MBNL3: variants seen among roughly 807,000 people sequenced by gnomAD.
The protein encoded by MBNL3 is muscleblind like splicing regulator 3, also known as muscleblind-like protein 3.
In MBNL3, 6 loss-of-function variants were observed where a neutral mutation model predicts 24.5. The ratio of observed to expected loss-of-function variants is 0.25; its 90% CI spans 0.13 to 0.48. The LOEUF is 0.48. MBNL3 is among the 20% of genes least tolerant of loss of function. MBNL3 has a pLI of 0.99. For missense variants in MBNL3, 230 were observed against 293.5 expected, an observed-to-expected ratio of 0.78 and a Z score of 1.58; for synonymous variants, 100 against 101.7, an observed-to-expected ratio of 0.98 and a Z score of 0.10.
intron 1 of MBNL3, among the ~76,000 whole-genome samples, chrX:132,443,577 C>T (rs1362321147): frequency 5.4e-5 from 6 of 111,449 alleles, no homozygotes; most frequent in Non-Finnish European, 7.5e-5. Flanking sequence ...GGTCCTTGCT[C>T]CCGTGGAACA....
At chrX:132,429,572 A>C (rs138766152) in intron 2 of MBNL3, among the ~76,000 whole-genome samples, 2,379 of 112,285 alleles carry the variant, frequency 0.021, 30 homozygotes, top group Non-Finnish European at 0.032. Flanking sequence ...TATGAAGGTT[A>C]ATAAAGTCTT....
Position 132,392,203 on chromosome X carries a change from G to A in MBNL3, c.474C>T (p.Asn158=), listed in dbSNP as rs1453753733. The A allele has an allele frequency of 3.3e-6, 4 of 1,210,405 alleles. No homozygotes were observed. In the South Asian group the frequency reaches 5.3e-5, roughly 16 times the overall value. The change falls in exon 4 of 9, where the codon AAC becomes AAT. Residue 158 remains asparagine (N), a synonymous_variant. Transcript: ENST00000370853. The part of the protein sequence containing the change: ...VPNTPVLIPG[N]PPLAMPGAVG... ...CAGCTCCTGGCATTGCAAGAGGTGG[G>A]TTTCCAGGAATCAGAACAGGTGTAT...
intron 3 of MBNL3, among the ~76,000 whole-genome samples, chrX:132,395,197 T>G (rs1937880110): frequency 9.0e-6 from 1 of 111,312 alleles, no homozygotes; most frequent in Non-Finnish European, 1.9e-5. Flanking sequence ...TTCATGAATT[T>G]GAACATTCAA....
chrX:132,454,744 AC>A (rs1171592958), intron 1 of MBNL3, among the ~76,000 whole-genome samples: 1 of 111,951 alleles, frequency 8.9e-6, no homozygotes, highest in Non-Finnish European at 1.9e-5. Flanking sequence ...CATATCACAC[AC>A]GACTGAAATA....
chrX:132,457,206 TA>T (rs957642783), intron 1 of MBNL3, among the ~76,000 whole-genome samples: 5 of 111,326 alleles, frequency 4.5e-5, no homozygotes, highest in Non-Finnish European at 9.4e-5. Flanking sequence ...CAAAATTTTT[TA>T]AAAAAAGATT....
At chrX:132,413,681 C>G in intron 2 of MBNL3, 3 of 929,890 alleles carry the variant, frequency 3.2e-6, no homozygotes, top group Non-Finnish European at 4.2e-6. Flanking sequence ...GCTCGCTACC[C>G]TGGCAGCCAC....
At chrX:132,466,510 G>C (rs1946891926) in intron 1 of MBNL3, among the ~76,000 whole-genome samples, 1 of 112,261 alleles carries the variant, frequency 8.9e-6, no homozygotes, top group Non-Finnish European at 1.9e-5. Flanking sequence ...GTAAGGTATT[G>C]AATCAAGAGT....
At chrX:132,486,948 C>T (rs985859274) in intron 1 of MBNL3, among the ~76,000 whole-genome samples, 20 of 111,511 alleles carry the variant, frequency 1.8e-4, no homozygotes, top group African/African-American at 6.2e-4. Flanking sequence ...GCAGTCACCA[C>T]CTCTAGCCCA....
Position 132,478,844 on chromosome X carries a change from G to A in MBNL3, c.-704+10007C>T, listed in dbSNP as rs749541690. On this transcript the variant is annotated intron_variant, in intron 1 of 8. Transcript: ENST00000370853. Reference sequence around the variant, plus strand: ...TGCTGTTGGCTCCAAATACAGTAGAGTAAACCTATATTAATTTTGACACCA... The same window carrying A: ...TGCTGTTGGCTCCAAATACAGTAGAATAAACCTATATTAATTTTGACACCA... Among the ~76,000 whole-genome samples the A allele has an allele frequency of 1.5e-3, 172 of 112,660 alleles. 1 individual carries two copies. The highest frequency in any genetic ancestry group is 2.7e-3 in the Non-Finnish European group (143 of 53,345).
intron 2 of MBNL3, among the ~76,000 whole-genome samples, chrX:132,414,039 A>G (rs758350767): frequency 5.2e-4 from 58 of 112,191 alleles, no homozygotes; most frequent in African/African-American, 1.7e-3. Context: ...ATGCACACAT[A>G]AGCGCTATAA....
intron 2 of MBNL3, among the ~76,000 whole-genome samples, chrX:132,423,334 G>A (rs1024212023): frequency 2.7e-5 from 3 of 111,058 alleles, no homozygotes; most frequent in Non-Finnish European, 3.8e-5. Context: ...AAATTTGAAC[G>A]AATAAAGGAT....
In MBNL3 at chrX:132,434,072, C is replaced by T. The variant is rs909324802; in HGVS notation, c.177+5363G>A. Among the ~76,000 whole-genome samples the T allele has an allele frequency of 1.1e-4, 12 of 112,089 alleles. No homozygotes were observed. The Admixed American group carries it at 1.1e-3, about 11-fold the overall frequency. On this transcript the variant is annotated intron_variant, in intron 2 of 8. Transcript: ENST00000370853. The stretch of plus-strand genomic sequence containing the variant: ...TGAATATTTAATTATTTTTTACCTG[C>T]TCCTCCTCCAACTCCCAATGAGAAT...
Position 132,379,570 on chromosome X carries a change from T to G in MBNL3, c.*96A>C. 1 of 909,689 alleles carries G rather than the reference T, an allele frequency of 1.1e-6. No individual in the cohort carries two copies. The highest frequency in any genetic ancestry group is 1.5e-6 in the Non-Finnish European group (1 of 658,125). 75.0% of individuals were successfully genotyped at this position (909,689 alleles called of 1,213,427 possible). ...TAATACATTGACTGCAACACGCTTA[T>G]TGTTGTGTTGGTAGAATAAGACATA... On this transcript the variant is annotated 3_prime_UTR_variant, in exon 9 of 9. Coordinates refer to ENST00000370853, the MANE Select transcript of MBNL3 (RefSeq NM_001386889.1).
intron 2 of MBNL3, among the ~76,000 whole-genome samples, chrX:132,421,913 T>C (rs1273942982): frequency 1.8e-5 from 2 of 111,611 alleles, no homozygotes; most frequent in African/African-American, 6.5e-5. Context: ...CTATAAAAGA[T>C]GTTAATGGTG....
intron 1 of MBNL3, among the ~76,000 whole-genome samples, chrX:132,471,860 C>T (rs1026707994): frequency 1.8e-5 from 2 of 112,355 alleles, no homozygotes; most frequent in African/African-American, 3.2e-5. Context: ...ATAATACATA[C>T]GTAGTCTGTA....
chrX:132,413,818 C>T (rs1019824403), intron 2 of MBNL3, among the ~76,000 whole-genome samples: 3 of 111,655 alleles, frequency 2.7e-5, no homozygotes, highest in Non-Finnish European at 5.6e-5. Context: ...AAACCCGTAA[C>T]TCCGAATTTA....
At chrX:132,476,827 G>T (rs965927003) in intron 1 of MBNL3, among the ~76,000 whole-genome samples, 1 of 111,313 alleles carries the variant, frequency 9.0e-6, no homozygotes, top group African/African-American at 3.3e-5. Flanking sequence ...CGTGAAAAAG[G>T]TAGCTGACAC....
chrX:132,385,889 CAA>C (rs58477339), intron 6 of MBNL3, among the ~76,000 whole-genome samples: 920 of 90,550 alleles, frequency 0.01, 7 homozygotes, highest in East Asian at 0.027. Context: ...ACCATTGTGT[CAA>C]AAAAAAAAAA....
rs1937087742 is a variant in MBNL3, at chrX:132,391,027, A to G, written c.591T>C (p.Tyr197=). 5.8e-6 allele frequency: 7 copies of G among 1,211,767 alleles called. No homozygotes were observed. The highest frequency in any genetic ancestry group is 6.7e-6 in the Non-Finnish European group (6 of 895,467). ...NCTRGENDCR[Y]AHPTDASMIE... ...TCATGGAAGCATCAGTAGGGTGAGC[A>G]TAGCGGCAATCATTCTCCCCACGGG... The change falls in exon 5 of 9, where the codon TAT becomes TAC. Residue 197 remains tyrosine, a synonymous_variant. Coordinates refer to ENST00000370853, the MANE Select transcript of MBNL3 (RefSeq NM_001386889.1).
Sources: gnomAD v4.1 joint callset for allele counts (sites outside exome capture counted in the v4.1 genomes callset) on GRCh38, gnomAD v4.1.1 for gene constraint, MANE v1.5 for transcripts, NCBI Gene and HGNC (gene_info 2026-07-23, HGNC 2026-07-21) for gene names.